Variants in MBOAT2 observed in about 807,000 individuals in gnomAD.
The protein encoded by MBOAT2 is membrane-bound glycerophospholipid O-acyltransferase 2.
In MBOAT2, 28 loss-of-function variants were observed where a neutral mutation model predicts 63.4. The observed-to-expected ratio is 0.44, with a 90% CI of 0.33 to 0.61. The LOEUF (loss-of-function observed/expected upper bound fraction) is 0.61. MBOAT2 is among the 20% of genes least tolerant of loss of function. MBOAT2 has a pLI of 0.03. For missense variants in MBOAT2, 470 were observed against 605.8 expected (o/e 0.78, Z 2.35); for synonymous variants, 211 against 215.6 (o/e 0.98, Z 0.19).
rs866169707 is a variant in MBOAT2 at position 8,905,433 on chromosome 2, C to G, written c.395+3188G>C. Among the ~76,000 whole-genome samples the G allele has an allele frequency of 3.9e-5, 6 of 152,196 alleles. No homozygotes were observed. The East Asian group carries it at 9.6e-4, about 24-fold the overall frequency. On this transcript the variant is annotated intron_variant, in intron 4 of 12. Transcript: ENST00000305997. ...TTCGACTATCTAATCTTTATCAGTTCACTGATAATGGTCAAAAGTTTTCTC... is the reference window on the plus strand; with the variant it reads ...TTCGACTATCTAATCTTTATCAGTTGACTGATAATGGTCAAAAGTTTTCTC...
At chr2:8,858,928 T>C in intron 12 of MBOAT2, 24 bp from the exon 13 acceptor site, 1 of 1,527,762 alleles carries the variant, frequency 6.5e-7, no homozygotes, top group Non-Finnish European at 8.9e-7. Context: ...GGAAAAAGTT[T>C]ATTAAAACTT....
rs1662757568 is a variant in MBOAT2 at position 8,877,178 on chromosome 2, T to C, written c.542A>G (p.Asn181Ser). The C allele has an allele frequency of 1.2e-6, 2 of 1,613,028 alleles. No homozygotes were observed. Among genetic ancestry groups the C allele is most frequent in the African/African-American group, 1.3e-5 (1 of 74,856 alleles). Residue 181 changes from asparagine to serine, a missense_variant, in exon 7 of 13, where the codon AAC (asparagine) becomes AGC (serine). Asn to Ser is a conservative substitution (Grantham distance 46). This residue lies in a region of MBOAT2 where 376 missense variants were observed against 503.8 expected (regional missense o/e 0.75). Coordinates refer to ENST00000305997, the MANE Select transcript of MBOAT2 (RefSeq NM_138799.4). ...TGCCAGGATCCCCATGAAGTTACAG[T>C]TGTAACTCAAATACTCCAGTAAGCT... is the stretch of plus-strand genomic sequence containing the variant. ...MPSLLEYLSY[N>S]CNFMGILAGP...
chr2:8,947,949 G>C (rs1668539607), intron 2 of MBOAT2, among the ~76,000 whole-genome samples: 1 of 152,190 alleles, frequency 6.6e-6, no homozygotes, highest in South Asian at 2.1e-4. Context: ...CATAGATAGT[G>C]ATTCCTCTGA....
At chr2:8,943,939 C>T (rs1040285174) in intron 2 of MBOAT2, among the ~76,000 whole-genome samples, 6 of 152,328 alleles carry the variant, frequency 3.9e-5, no homozygotes, top group African/African-American at 1.4e-4. Flanking sequence ...TCTCAGCTCA[C>T]TGCAACCTCT....
In MBOAT2 at chr2:8,962,810, C is replaced by A. The variant is rs73157450; in HGVS notation, c.76-4168G>T. Among the ~76,000 whole-genome samples the A allele has an allele frequency of 5.8e-3, 882 of 151,478 alleles. 5 individuals are homozygous for A. The highest frequency in any genetic ancestry group is 0.021 in the African/African-American group (857 of 41,336). ...AAAAACTTCTACAAAACAACAACAA[C>A]AAAAAAACTAAAAACATCCTAAGTA... On this transcript the variant is annotated intron_variant, in intron 1 of 12. Coordinates refer to ENST00000305997, the MANE Select transcript of MBOAT2 (RefSeq NM_138799.4).
At chr2:8,988,922 T>C (rs979743206) in intron 1 of MBOAT2, among the ~76,000 whole-genome samples, 4 of 152,170 alleles carry the variant, frequency 2.6e-5, no homozygotes, top group African/African-American at 9.7e-5. Flanking sequence ...TAAAGAAAAC[T>C]GGAGTATCTA....
intron 4 of MBOAT2, among the ~76,000 whole-genome samples, chr2:8,894,514 G>A (rs1664280932): frequency 1.3e-5 from 2 of 152,336 alleles, no homozygotes; most frequent in South Asian, 4.1e-4. Context: ...GGAAGATAAT[G>A]AAGGGCCAAG....
chr2:8,962,710 A>G (rs540168252), intron 1 of MBOAT2, among the ~76,000 whole-genome samples: 2 of 152,174 alleles, frequency 1.3e-5, no homozygotes, highest in South Asian at 2.1e-4. Flanking sequence ...AGAATGTAAG[A>G]GATTATAATC....
At chr2:8,912,226 G>A (rs1278040736) in intron 3 of MBOAT2, among the ~76,000 whole-genome samples, 1 of 150,376 alleles carries the variant, frequency 6.6e-6, no homozygotes, top group Non-Finnish European at 1.5e-5. Flanking sequence ...ACATAGTACT[G>A]GAAGTCCTAG....
chr2:8,943,715 C>T (rs1372503949), intron 2 of MBOAT2, among the ~76,000 whole-genome samples: 2 of 152,138 alleles, frequency 1.3e-5, no homozygotes, highest in Non-Finnish European at 2.9e-5. Context: ...GACAAAACAA[C>T]AAAAAGTGCT....
chr2:8,973,474 A>C (rs920707813), intron 1 of MBOAT2, among the ~76,000 whole-genome samples: 5 of 152,054 alleles, frequency 3.3e-5, no homozygotes, highest in Non-Finnish European at 7.4e-5. Flanking sequence ...CATATGTAAC[A>C]AACCTGCACA....
chr2:8,896,761 G>A (rs1485961839), intron 4 of MBOAT2, among the ~76,000 whole-genome samples: 3 of 152,186 alleles, frequency 2.0e-5, no homozygotes, highest in African/African-American at 7.2e-5. Flanking sequence ...TCCTAACTCT[G>A]CTTCTGTAAT....
intron 3 of MBOAT2, among the ~76,000 whole-genome samples, chr2:8,939,176 T>C (rs1417880756): frequency 6.6e-6 from 1 of 152,220 alleles, no homozygotes; most frequent in African/African-American, 2.4e-5. Context: ...TGAATGAATC[T>C]TTCTACTAAA....
chr2:8,951,471 C>G (rs1287527126), intron 2 of MBOAT2, among the ~76,000 whole-genome samples: 1 of 152,140 alleles, frequency 6.6e-6, no homozygotes, highest in Non-Finnish European at 1.5e-5. Context: ...TCCCAATGTG[C>G]TGGGATTACA....
At chr2:8,913,193 G>T (rs1665916560) in intron 3 of MBOAT2, among the ~76,000 whole-genome samples, 1 of 152,082 alleles carries the variant, frequency 6.6e-6, no homozygotes, top group African/African-American at 2.4e-5. Context: ...ACTCAAGATG[G>T]ATTAAGGACT....
At chr2:8,869,050 A>C (rs899068943) in intron 8 of MBOAT2, among the ~76,000 whole-genome samples, 2 of 151,934 alleles carry the variant, frequency 1.3e-5, no homozygotes, top group Non-Finnish European at 2.9e-5. Flanking sequence ...ATATGTCTCT[A>C]GAATTTTTAA....
chr2:8,989,794 G>A (rs1671800977), intron 1 of MBOAT2, among the ~76,000 whole-genome samples: 1 of 152,136 alleles, frequency 6.6e-6, no homozygotes. Context: ...CCTAACAAAG[G>A]GAACAAGCGC....
In MBOAT2 at chr2:8,956,103, G is replaced by A. The variant is rs553618165; in HGVS notation, c.221+2394C>T. ...GACTTGCTTTATTACAATATTCACT[G>A]TATTATGGGGGTCTAGAATCAAATC... is the stretch of plus-strand genomic sequence containing the variant. On this transcript the variant is annotated intron_variant, in intron 2 of 12. Coordinates refer to ENST00000305997, the MANE Select transcript of MBOAT2 (RefSeq NM_138799.4). Among the ~76,000 whole-genome samples, 23 of 152,260 alleles carry A rather than the reference G, an allele frequency of 1.5e-4. No homozygotes were observed. In the South Asian group the frequency reaches 4.4e-3, roughly 29 times the overall value.
chr2:8,863,361 A>G (rs544348182), intron 10 of MBOAT2, among the ~76,000 whole-genome samples: 1 of 152,336 alleles, frequency 6.6e-6, no homozygotes, highest in Admixed American at 6.5e-5. Flanking sequence ...AAGGCTGCTT[A>G]TCACCGTATC....
Sources: gnomAD v4.1 joint callset for allele counts (sites outside exome capture counted in the v4.1 genomes callset) on GRCh38, gnomAD v4.1.1 for gene constraint, gnomAD v4.1.1 regional missense constraint, MANE v1.5 for transcripts, NCBI Gene and HGNC (gene_info 2026-07-23, HGNC 2026-07-21) for gene names.